The following AP1M1 variants were observed in gnomAD, a reference collection of about 807,000 sequenced individuals.
AP1M1 encodes the protein adaptor related protein complex 1 subunit mu 1.
AP1M1 carries 18 observed loss-of-function variants against 57.1 expected under a neutral mutation model. The observed-to-expected ratio is 0.32, with a 90% CI of 0.22 to 0.47. AP1M1 has a LOEUF of 0.47. Among genes scored for constraint, AP1M1 ranks in the 20% least tolerant of loss-of-function variants. The pLI is 1.00. For missense variants in AP1M1, 362 were observed against 593.5 expected, an observed-to-expected ratio of 0.61 and a Z score of 4.05; for synonymous variants, 241 against 237.9, an observed-to-expected ratio of 1.01 and a Z score of -0.12.
At chr19:16,214,194 G>A (rs1415097670) in intron 5 of AP1M1, among the ~76,000 whole-genome samples, 22 of 141,998 alleles carry the variant, frequency 1.5e-4, no homozygotes, top group African/African-American at 4.7e-4. Flanking sequence ...GACTACAGGC[G>A]TATGCCACCA....
chr19:16,216,759 G>A (rs1599459321), intron 5 of AP1M1, among the ~76,000 whole-genome samples: 1 of 152,224 alleles, frequency 6.6e-6, no homozygotes, highest in Non-Finnish European at 1.5e-5. Context: ...CTGGTATCCA[G>A]CCCTGGCTTT....
chr19:16,202,630 A>G (rs149177458), intron 1 of AP1M1, among the ~76,000 whole-genome samples: 90 of 152,350 alleles, frequency 5.9e-4, no homozygotes, highest in Admixed American at 1.1e-3. Flanking sequence ...CAGCCAGCAC[A>G]GTGATTCTGA....
chr19:16,228,235 G>A lies in AP1M1; in HGVS notation c.888+27G>A, dbSNP rs200438180. The A allele has an allele frequency of 4.2e-5, 67 of 1,610,196 alleles. No individual in the cohort carries two copies. In the African/African-American group the frequency reaches 8.4e-4, roughly 20 times the overall value. Reference sequence around the variant, plus strand: ...TGCGTGGGCCGAGGCCACCCACTGAGGGCCTTCTGGTGTCTCTGGCCCGTC... The same window carrying A: ...TGCGTGGGCCGAGGCCACCCACTGAAGGCCTTCTGGTGTCTCTGGCCCGTC... On this transcript the variant is annotated intron_variant, in intron 8 of 11. Transcript: ENST00000291439. The surrounding 1 kb of genome is among the most constrained non-coding windows in gnomAD (Gnocchi z 5.0).
chr19:16,227,881 C>CCA lies in AP1M1; in HGVS notation c.816+193_816+194dup, dbSNP rs1319133962. The stretch of plus-strand genomic sequence containing the variant: ...GGGGCACAGACCCCTTTGGCCACCA[C>CCA]CACCCCTTTCCCAGGCAGCCCCCAG... On this transcript the variant is annotated intron_variant, in intron 7 of 11. Transcript: ENST00000291439. The surrounding 1 kb of genome is among the most constrained non-coding windows in gnomAD (Gnocchi z 6.2). 6.6e-6 allele frequency among the ~76,000 whole-genome samples: 1 copy of CCA among 152,166 alleles called. No homozygotes were observed. The highest frequency in any genetic ancestry group is 1.5e-5 in the Non-Finnish European group (1 of 68,024).
In AP1M1 at chr19:16,221,396, A is replaced by T. The variant is rs547393556; in HGVS notation, c.547-5025A>T. The stretch of plus-strand genomic sequence containing the variant: ...TGGCGAGAGCACACCCGAACAAAGG[A>T]GGAAAGCCGTTTTTATCCCTTATGC... On this transcript the variant is annotated intron_variant, in intron 5 of 11. Transcript: ENST00000291439. 6.0e-4 allele frequency among the ~76,000 whole-genome samples: 92 copies of T among 152,370 alleles called. 1 individual carries two copies. The highest frequency in any genetic ancestry group is 1.8e-3 in the African/African-American group (74 of 41,588).
rs887965297 is a variant in AP1M1 at position 16,235,192 on chromosome 19, G to A, written c.*757G>A. On this transcript the variant is annotated 3_prime_UTR_variant, in exon 12 of 12. Coordinates refer to ENST00000291439, the MANE Select transcript of AP1M1 (RefSeq NM_032493.4). ...CAGTATTGACCCACCAGGGGAGGTG[G>A]GGTTTGGTGAGAGACGCCAGCCTCA... is the stretch of plus-strand genomic sequence containing the variant. The A allele has an allele frequency of 2.0e-5, 3 of 152,240 alleles. No homozygotes were observed. Among genetic ancestry groups the A allele is most frequent in the African/African-American group, 7.2e-5 (3 of 41,444 alleles). The allele number at this position is 152,240 out of a possible 1,614,324, so 9.4% of individuals were successfully genotyped here.
chr19:16,236,918 C>G lies in AP1M1; in HGVS notation c.*2483C>G, dbSNP rs961619083. The G allele has an allele frequency of 8.5e-5, 13 of 152,334 alleles. No homozygotes were observed. Among genetic ancestry groups the G allele is most frequent in the African/African-American group, 2.9e-4 (12 of 41,568 alleles). The allele number at this position is 152,334 out of a possible 1,614,324, so 9.4% of individuals were successfully genotyped here. A position where few individuals can be genotyped will look rare whatever the true frequency, so the allele number is the denominator to read the frequency against. ...GATCCTCACGAACTTCAAAGATTAT[C>G]GGCATGTAAACAAATACACTATGCA... On this transcript the variant is annotated 3_prime_UTR_variant, in exon 12 of 12. Transcript: ENST00000291439.
In AP1M1 at chr19:16,228,620, G is replaced by A. The variant is rs117176393; in HGVS notation, c.889-150G>A. The A allele has an allele frequency of 0.029, 22,196 of 756,548 alleles. 446 individuals carry two copies. Among genetic ancestry groups the A allele is most frequent in the Non-Finnish European group, 0.038 (17,719 of 468,536 alleles). 46.9% of individuals were successfully genotyped at this position (756,548 alleles called of 1,614,324 possible). ...AGGTCTTGGGAGAGTCTCGAGGGCA[G>A]GAGAAGGGGTGGGTAGTGCCTGGAG... is the stretch of plus-strand genomic sequence containing the variant. On this transcript the variant is annotated intron_variant, in intron 8 of 11. Coordinates refer to ENST00000291439, the MANE Select transcript of AP1M1 (RefSeq NM_032493.4). The surrounding 1 kb of genome is among the most constrained non-coding windows in gnomAD (Gnocchi z 5.0).
chr19:16,229,003 C>T (rs1038712827), intron 9 of AP1M1, 75 bp downstream of exon 9: 5 of 1,533,634 alleles, frequency 3.3e-6, no homozygotes, highest in African/African-American at 2.7e-5. Flanking sequence ...CTCAGGACCC[C>T]CTGCACCTCA....
In AP1M1 at chr19:16,238,420, A is replaced by G. The variant is rs1044120506; in HGVS notation, c.*3985A>G. On this transcript the variant is annotated 3_prime_UTR_variant, in exon 12 of 12. Transcript: ENST00000291439. The stretch of plus-strand genomic sequence containing the variant: ...CAAGAGATTACAGCAGTGAAAATGA[A>G]TTCAACTAGAGCAGTGATATGGCTC... 1 of 152,230 alleles carries G rather than the reference A, an allele frequency of 6.6e-6. No homozygotes were observed. Among genetic ancestry groups the G allele is most frequent in the African/African-American group, 2.4e-5 (1 of 41,470 alleles). The allele number at this position is 152,230 out of a possible 1,614,324, so 9.4% of individuals were successfully genotyped here.
chr19:16,227,304 G>A lies in AP1M1; in HGVS notation c.674-244G>A, dbSNP rs2091575541. Reference sequence around the variant, plus strand: ...AGCAGGTCCCCTGGCTGGGCCCTGGGATGGCCGCTGGGGACTCAGCATGAA... The same window carrying A: ...AGCAGGTCCCCTGGCTGGGCCCTGGAATGGCCGCTGGGGACTCAGCATGAA... On this transcript the variant is annotated intron_variant, in intron 6 of 11. Coordinates refer to ENST00000291439, the MANE Select transcript of AP1M1 (RefSeq NM_032493.4). This position sits in a 1 kb window ranked among gnomAD's most constrained non-coding sequence, Gnocchi z 6.2. Among the ~76,000 whole-genome samples the A allele has an allele frequency of 1.0e-5, 1 of 99,454 alleles. No homozygotes were observed. Among genetic ancestry groups the A allele is most frequent in the African/African-American group, 2.6e-5 (1 of 38,514 alleles). The allele number at this position is 99,454 out of a possible 152,430, so 65.2% of individuals were successfully genotyped here.
chr19:16,210,294 C>A, intron 5 of AP1M1: 2 of 688,166 alleles, frequency 2.9e-6, no homozygotes, highest in South Asian at 3.1e-5. Flanking sequence ...TGGCAATTGT[C>A]AATAGAGTTG....
Position 16,203,689 on chromosome 19 carries a change from C to A in AP1M1, c.199+74C>A. 1 of 1,486,234 alleles carries A rather than the reference C, an allele frequency of 6.7e-7. No homozygotes were observed. The allele number at this position is 1,486,234 out of a possible 1,614,324, so 92.1% of individuals were successfully genotyped here. A position where few individuals can be genotyped will look rare whatever the true frequency, so the allele number is the denominator to read the frequency against. ...GTGTGTGTGCATATCCACACGCCTG[C>A]AAGCAGGGCTGGTTTGTGCACAGCG... On this transcript the variant is annotated intron_variant, in intron 2 of 11. Coordinates refer to ENST00000291439, the MANE Select transcript of AP1M1 (RefSeq NM_032493.4). This position sits in a 1 kb window ranked among gnomAD's most constrained non-coding sequence, Gnocchi z 4.6.
intron 1 of AP1M1, among the ~76,000 whole-genome samples, chr19:16,201,283 G>A (rs1257445173): frequency 1.3e-5 from 2 of 151,896 alleles, no homozygotes; most frequent in Admixed American, 6.6e-5. Flanking sequence ...GACAGTAAAG[G>A]AGGATAGAAA....
At chr19:16,208,943 C>A (rs73928762) in intron 4 of AP1M1, 87 bp from the exon 5 acceptor site, 16 of 1,510,152 alleles carry the variant, frequency 1.1e-5, no homozygotes, top group African/African-American at 1.4e-5. Flanking sequence ...CTGTACCCCC[C>A]ACCCAACCCT....
chr19:16,231,145 G>A (rs1365543931), intron 9 of AP1M1, among the ~76,000 whole-genome samples: 3 of 151,746 alleles, frequency 2.0e-5, no homozygotes, highest in Non-Finnish European at 2.9e-5. Flanking sequence ...AAAATTAGCC[G>A]GGTGTGGTGG....
At chr19:16,219,688 C>T (rs2091534932) in intron 5 of AP1M1, among the ~76,000 whole-genome samples, 1 of 152,200 alleles carries the variant, frequency 6.6e-6, no homozygotes, top group Non-Finnish European at 1.5e-5. Flanking sequence ...GTGTGAGCCA[C>T]TGCACCTGGC....
chr19:16,227,948 C>G lies in AP1M1; in HGVS notation c.817-189C>G, dbSNP rs927487691. Among the ~76,000 whole-genome samples, 1 of 152,226 alleles carries G rather than the reference C, an allele frequency of 6.6e-6. No homozygotes were observed. Among genetic ancestry groups the G allele is most frequent in the African/African-American group, 2.4e-5 (1 of 41,464 alleles). On this transcript the variant is annotated intron_variant, in intron 7 of 11. Coordinates refer to ENST00000291439, the MANE Select transcript of AP1M1 (RefSeq NM_032493.4). This position sits in a 1 kb window ranked among gnomAD's most constrained non-coding sequence, Gnocchi z 6.2. ...GTTTTCTGCATTTGCCCCAAGGCCT[C>G]CCCGGTAGCTCCCGGCTACCTCGGC...
At chr19:16,218,318 C>T (rs1054042399) in intron 5 of AP1M1, among the ~76,000 whole-genome samples, 8 of 152,182 alleles carry the variant, frequency 5.3e-5, no homozygotes, top group Admixed American at 1.3e-4. Context: ...TTTTGGGGCT[C>T]GCCTGCCCTG....
Sources: gnomAD v4.1 joint callset for allele counts (sites outside exome capture counted in the v4.1 genomes callset) on GRCh38, gnomAD v4.1.1 for gene constraint, Gnocchi (gnomAD v3.1) non-coding constraint, MANE v1.5 for transcripts, NCBI Gene and HGNC (gene_info 2026-07-23, HGNC 2026-07-21) for gene names.